ADHFE1: variants seen among roughly 807,000 people sequenced by gnomAD.
ADHFE1 encodes hydroxyacid-oxoacid transhydrogenase, mitochondrial.
Under a neutral mutation model 54.8 loss-of-function variants are expected in ADHFE1, and 37 were observed. The observed-to-expected ratio is 0.68, with a 90% CI of 0.52 to 0.89. The LOEUF (loss-of-function observed/expected upper bound fraction) is 0.89, where lower values mean the gene tolerates loss of function less well. ADHFE1 is among the 40% of genes least tolerant of loss of function. The pLI, the probability that ADHFE1 is intolerant of heterozygous loss-of-function variation, is 0.00. For missense variants in ADHFE1, 601 were observed against 591.2 expected (o/e 1.02, Z -0.17); for synonymous variants, 203 against 229.3 (o/e 0.89, Z 1.04).
At chr8:66,442,913 A>G in intron 3 of ADHFE1, 69 bp downstream of exon 3, 1 of 1,250,318 alleles carries the variant, frequency 8.0e-7, no homozygotes, top group Non-Finnish European at 1.1e-6. Flanking sequence ...ATATTTTGCT[A>G]ATGAATTATT....
intron 10 of ADHFE1, among the ~76,000 whole-genome samples, chr8:66,456,036 G>A (rs745906923): frequency 2.4e-4 from 37 of 152,116 alleles, no homozygotes; most frequent in Non-Finnish European, 5.0e-4. Flanking sequence ...ACTAAGCGTG[G>A]TGGCTGGATC....
At chr8:66,466,236 A>ATTTTTTTTTTTT (rs575459850) in intron 13 of ADHFE1, among the ~76,000 whole-genome samples, 2 of 119,648 alleles carry the variant, frequency 1.7e-5, no homozygotes, top group Non-Finnish European at 3.3e-5. Flanking sequence ...ACCCAGCTGA[A>ATTTTTTTTTTTT]TTTTTTTTTT....
Position 66,444,601 on chromosome 8 carries a change from A to G in ADHFE1, c.206A>G (p.Lys69Arg), listed in dbSNP as rs755425165. The G allele has an allele frequency of 6.2e-7, 1 of 1,614,018 alleles. No individual in the cohort carries two copies. Among genetic ancestry groups the G allele is most frequent in the African/African-American group, 1.3e-5 (1 of 74,924 alleles). Residue 69 changes from lysine (K) to arginine (R), a missense_variant, in exon 5 of 14, where the codon AAA (lysine) becomes AGA (arginine). By Grantham distance (26) the Lys-to-Arg change is conservative. Transcript: ENST00000396623. ...AVTKEVGMDL[K>R]NMGAKNVCLM... ...TTATAGGTTTTCTTGTAGGACCTAAAAAACATGGGTGCTAAAAATGTGTGC... is the reference window on the plus strand; with the variant it reads ...TTATAGGTTTTCTTGTAGGACCTAAGAAACATGGGTGCTAAAAATGTGTGC...
chr8:66,440,339 AT>A, intron 2 of ADHFE1, 140 bp downstream of exon 2: 1 of 761,218 alleles, frequency 1.3e-6, no homozygotes, highest in Non-Finnish European at 2.2e-6. Context: ...TCACTGTGAA[AT>A]TGATAACACG....
At chr8:66,453,981 T>G in intron 9 of ADHFE1, 78 bp from the exon 10 acceptor site, 2 of 1,560,858 alleles carry the variant, frequency 1.3e-6, no homozygotes, top group Non-Finnish European at 1.7e-6. Flanking sequence ...TCACCATATC[T>G]TTCCCTAAGG....
At chr8:66,459,440 T>A (rs1487718860) in intron 12 of ADHFE1, 24 of 141,122 alleles carry the variant, frequency 1.7e-4, no homozygotes, top group African/African-American at 6.3e-4. Context: ...ATTTTTTTTT[T>A]TTTTTTAACA....
At chr8:66,458,327 G>A (rs1266861374) in intron 12 of ADHFE1, among the ~76,000 whole-genome samples, 2 of 152,152 alleles carry the variant, frequency 1.3e-5, no homozygotes, top group Admixed American at 6.5e-5. Flanking sequence ...AGGAGCTCCC[G>A]CTGAGTCCCA....
chr8:66,435,110 T>C lies in ADHFE1; in HGVS notation c.59+2535T>C, dbSNP rs145898119. Among the ~76,000 whole-genome samples the C allele has an allele frequency of 4.6e-5, 7 of 152,104 alleles. No homozygotes were observed. In the East Asian group the frequency reaches 9.6e-4, roughly 21 times the overall value. On this transcript the variant is annotated intron_variant, in intron 1 of 13. Coordinates refer to ENST00000396623, the MANE Select transcript of ADHFE1 (RefSeq NM_144650.3). ...ATAGATGACAAACTAGTTAGTAAAA[T>C]TGAGAGTACATTAGCTGTTGAAAGT...
At chr8:66,432,842 C>T in intron 1 of ADHFE1, 1 of 1,220,888 alleles carries the variant, frequency 8.2e-7, no homozygotes, top group East Asian at 3.2e-5. Flanking sequence ...CCTGGTCCCA[C>T]ATCGTAGCAG....
At chr8:66,432,984 T>A in intron 1 of ADHFE1, 1 of 881,364 alleles carries the variant, frequency 1.1e-6, no homozygotes, top group Non-Finnish European at 1.4e-6. Context: ...TCTGGAGCAG[T>A]TTGAGGTCTA....
In ADHFE1 at chr8:66,435,069, G is replaced by A. The variant is rs75007789; in HGVS notation, c.59+2494G>A. ...GAACAAAACAACCTAACCACACCAT[G>A]CATGGGGCACAGGGGATAGATGACA... On this transcript the variant is annotated intron_variant, in intron 1 of 13. Transcript: ENST00000396623. Among the ~76,000 whole-genome samples, 645 of 151,976 alleles carry A rather than the reference G, an allele frequency of 4.2e-3. 4 individuals are homozygous for A. Among genetic ancestry groups the A allele is most frequent in the African/African-American group, 0.015 (603 of 41,412 alleles).
At chr8:66,464,868 C>T (rs1025135468) in intron 13 of ADHFE1, among the ~76,000 whole-genome samples, 13 of 152,080 alleles carry the variant, frequency 8.5e-5, no homozygotes, top group African/African-American at 2.9e-4. Flanking sequence ...ACGAATTCCC[C>T]GTTCTCCCCT....
chr8:66,439,790 G>T lies in ADHFE1; in HGVS notation c.60-372G>T, dbSNP rs1805652352. The stretch of plus-strand genomic sequence containing the variant: ...GAAGAGGCACACAGAGTTAACCTTG[G>T]GCCGATTTGGTCAACGCTCCTAACC... On this transcript the variant is annotated intron_variant, in intron 1 of 13. Coordinates refer to ENST00000396623, the MANE Select transcript of ADHFE1 (RefSeq NM_144650.3). This position sits in a 1 kb window ranked among gnomAD's most constrained non-coding sequence, Gnocchi z 4.4. The T allele has an allele frequency of 9.4e-7, 1 of 1,066,384 alleles. No individual in the cohort carries two copies. Among genetic ancestry groups the T allele is most frequent in the Non-Finnish European group, 1.1e-6 (1 of 881,412 alleles). 66.1% of individuals were successfully genotyped at this position (1,066,384 alleles called of 1,614,324 possible). A position where few individuals can be genotyped will look rare whatever the true frequency, so the allele number is the denominator to read the frequency against.
At chr8:66,437,842 C>G (rs1195190184) in intron 1 of ADHFE1, among the ~76,000 whole-genome samples, 1 of 152,156 alleles carries the variant, frequency 6.6e-6, no homozygotes, top group African/African-American at 2.4e-5. Flanking sequence ...GGGTGTCTCT[C>G]TGCAGCCTCG....
intron 1 of ADHFE1, among the ~76,000 whole-genome samples, chr8:66,437,290 G>A (rs935491751): frequency 1.3e-5 from 2 of 152,168 alleles, no homozygotes; most frequent in African/African-American, 2.4e-5. Context: ...AGGGAGAGCT[G>A]CTGGCAGTCC....
intron 1 of ADHFE1, among the ~76,000 whole-genome samples, chr8:66,437,733 T>A (rs777983979): frequency 6.6e-6 from 1 of 152,132 alleles, no homozygotes; most frequent in African/African-American, 2.4e-5. Context: ...AAACAGTAGA[T>A]CCTGCCTGGG....
At chr8:66,467,402 A>G (rs987489559) in intron 13 of ADHFE1, among the ~76,000 whole-genome samples, 1 of 152,064 alleles carries the variant, frequency 6.6e-6, no homozygotes, top group Non-Finnish European at 1.5e-5. Flanking sequence ...CCCCCTCCCC[A>G]CCATCTTCAC....
intron 13 of ADHFE1, among the ~76,000 whole-genome samples, chr8:66,465,605 T>A (rs1268984581): frequency 6.6e-6 from 1 of 152,134 alleles, no homozygotes; most frequent in Non-Finnish European, 1.5e-5. Flanking sequence ...CAAGAATAAT[T>A]TTTTTCTTTT....
chr8:66,444,265 A>G, intron 3 of ADHFE1, 102 bp from the exon 4 acceptor site: 1 of 1,073,892 alleles, frequency 9.3e-7, no homozygotes, highest in Admixed American at 1.9e-5. Flanking sequence ...TAAGGAGTGT[A>G]TACTTTATGC....
Sources: allele counts gnomAD v4.1 joint callset (sites outside exome capture counted in the v4.1 genomes callset), GRCh38; gene constraint gnomAD v4.1.1; non-coding constraint Gnocchi (gnomAD v3.1); transcripts MANE v1.5; gene names NCBI Gene and HGNC (gene_info 2026-07-23, HGNC 2026-07-21).